Variants in ROBO2 observed in about 807,000 individuals in gnomAD.
ROBO2 encodes the protein roundabout guidance receptor 2.
Under a neutral mutation model 160.8 loss-of-function variants are expected in ROBO2, and 53 were observed. The ratio of observed to expected loss-of-function variants is 0.33; its 90% CI spans 0.26 to 0.41. The LOEUF is 0.41. Among genes scored for constraint, ROBO2 ranks in the 10% least tolerant of loss-of-function variants. The probability of loss-of-function intolerance (pLI) is 1.00; values close to 1 mark genes in which losing one functional copy is unlikely to be tolerated. For synonymous variants in ROBO2, 664 were observed against 611.7 expected (o/e 1.09, Z -1.26); for missense variants, 1,577 against 1,722.4 (o/e 0.92, Z 1.49).
At chr3:76,908,275 G>C (rs1469536903) in intron 2 of ROBO2, among the ~76,000 whole-genome samples, 1 of 152,148 alleles carries the variant, frequency 6.6e-6, no homozygotes, top group Non-Finnish European at 1.5e-5. Flanking sequence ...ATGAAGTTTA[G>C]TATTTATGGA....
intron 2 of ROBO2, among the ~76,000 whole-genome samples, chr3:76,373,333 G>C (rs1190906725): frequency 6.6e-6 from 1 of 151,980 alleles, no homozygotes; most frequent in African/African-American, 2.4e-5. Context: ...TTTAGTAATT[G>C]AGAAAGGAAG....
intron 2 of ROBO2, among the ~76,000 whole-genome samples, chr3:76,975,503 T>A (rs1365193263): frequency 6.6e-6 from 1 of 152,212 alleles, no homozygotes; most frequent in African/African-American, 2.4e-5. Context: ...AGACTGCGAC[T>A]GTGTCTTAAG....
At chr3:76,638,657 A>T (rs7631303) in intron 2 of ROBO2, among the ~76,000 whole-genome samples, 31,130 of 152,064 alleles carry the variant, frequency 0.2, 3,336 homozygotes, top group Non-Finnish European at 0.23. Context: ...AATCATCCAT[A>T]ATAGGTATAA....
chr3:77,457,334 T>C (rs1041038129), intron 2 of ROBO2, among the ~76,000 whole-genome samples: 25 of 152,182 alleles, frequency 1.6e-4, no homozygotes, highest in Admixed American at 1.2e-3. Flanking sequence ...CTTTTAGTTT[T>C]TAACCAGCAA....
intron 2 of ROBO2, among the ~76,000 whole-genome samples, chr3:77,391,687 T>C (rs1250193869): frequency 6.6e-6 from 1 of 152,058 alleles, no homozygotes; most frequent in Non-Finnish European, 1.5e-5. Flanking sequence ...CCAAACCGTG[T>C]AAGATGCCAT....
chr3:76,955,788 C>T (rs548924952), intron 2 of ROBO2, among the ~76,000 whole-genome samples: 2 of 150,872 alleles, frequency 1.3e-5, no homozygotes, highest in Non-Finnish European at 2.9e-5. Flanking sequence ...ATTAGCCAGG[C>T]ATGGTGGTGG....
At chr3:77,622,683 C>A (rs1240025813) in intron 23 of ROBO2, among the ~76,000 whole-genome samples, 1 of 152,098 alleles carries the variant, frequency 6.6e-6, no homozygotes, top group Non-Finnish European at 1.5e-5. Context: ...ATATCTAGGG[C>A]TTTCATGAGA....
intron 2 of ROBO2, among the ~76,000 whole-genome samples, chr3:76,425,241 T>G (rs2108963729): frequency 6.6e-6 from 1 of 152,238 alleles, no homozygotes; most frequent in Non-Finnish European, 1.5e-5. Flanking sequence ...AATGTGTATT[T>G]TGCCTTCTGA....
At chr3:77,622,331 A>T in exon 23 of ROBO2, 1 of 1,614,166 alleles carries the variant, frequency 6.2e-7, no homozygotes, top group South Asian at 1.1e-5. Flanking sequence ...GCAGATGATG[A>T]TGCCGACGAC....
chr3:76,665,979 T>C (rs1477460071), intron 2 of ROBO2, among the ~76,000 whole-genome samples: 6 of 139,514 alleles, frequency 4.3e-5, no homozygotes, highest in Non-Finnish European at 6.2e-5. Context: ...ATATATAATA[T>C]ATACATGTAA....
chr3:77,343,704 C>A (rs964126267), intron 2 of ROBO2, among the ~76,000 whole-genome samples: 2 of 152,130 alleles, frequency 1.3e-5, no homozygotes, highest in Non-Finnish European at 2.9e-5. Context: ...TGCCCACAAT[C>A]TTTAGTAAAT....
chr3:77,387,313 G>T (rs1450387548), intron 2 of ROBO2, among the ~76,000 whole-genome samples: 1 of 143,878 alleles, frequency 7.0e-6, no homozygotes, highest in Non-Finnish European at 1.5e-5. Flanking sequence ...GAACAACCTG[G>T]CCAACATAGG....
chr3:77,069,034 A>G (rs1051466750), intron 1 of ROBO2, among the ~76,000 whole-genome samples: 1 of 152,178 alleles, frequency 6.6e-6, no homozygotes, highest in Non-Finnish European at 1.5e-5. Context: ...AGCACAGTCT[A>G]TGGCTACCTT....
intron 14 of ROBO2, among the ~76,000 whole-genome samples, chr3:77,575,755 T>C (rs192886630): frequency 9.5e-4 from 145 of 152,282 alleles, no homozygotes; most frequent in African/African-American, 3.4e-3. Context: ...TCTTTATTCA[T>C]CGTTAAATTT....
intron 2 of ROBO2, among the ~76,000 whole-genome samples, chr3:76,458,381 G>T (rs927268264): frequency 1.3e-5 from 2 of 150,810 alleles, no homozygotes; most frequent in African/African-American, 5.0e-5. Flanking sequence ...CAGCTCCCAA[G>T]TTCCTCATCT....
intron 2 of ROBO2, among the ~76,000 whole-genome samples, chr3:76,620,125 C>G (rs529417802): frequency 1.3e-5 from 2 of 152,166 alleles, no homozygotes; most frequent in East Asian, 3.9e-4. Context: ...CTCATGTTTT[C>G]TTTTAAAATC....
At chr3:76,253,589 G>A (rs371965084) in intron 2 of ROBO2, among the ~76,000 whole-genome samples, 1 of 149,488 alleles carries the variant, frequency 6.7e-6, no homozygotes, top group Non-Finnish European at 1.5e-5. Context: ...TAATATCTAA[G>A]ATATTATCTA....
chr3:76,619,350 A>G lies in ROBO2; in HGVS notation c.110-478664A>G, dbSNP rs571489949. The stretch of plus-strand genomic sequence containing the variant: ...GCGAGACTCCGTCTCAAAAAAAAAA[A>G]AAGAAAAAAATAGCCTCTAGTCTTT... On this transcript the variant is annotated intron_variant, in intron 2 of 26. Coordinates refer to the ROBO2 transcript ENST00000487694. Among the ~76,000 whole-genome samples the G allele has an allele frequency of 6.2e-4, 94 of 151,578 alleles. 2 individuals are homozygous for G. The highest frequency in any genetic ancestry group is 6.0e-3 in the South Asian group (29 of 4,804).
At chr3:76,116,511 G>A (rs1454510734) in intron 2 of ROBO2, among the ~76,000 whole-genome samples, 2 of 151,684 alleles carry the variant, frequency 1.3e-5, no homozygotes, top group Non-Finnish European at 2.9e-5. Context: ...TTAGAGACAG[G>A]AGGAGAACCG....
Sources: gnomAD v4.1 joint callset for allele counts (sites outside exome capture counted in the v4.1 genomes callset) on GRCh38, gnomAD v4.1.1 for gene constraint, MANE v1.5 for transcripts, NCBI Gene and HGNC (gene_info 2026-07-23, HGNC 2026-07-21) for gene names.